Variants in B4GALNT3 observed in about 807,000 individuals in gnomAD.
B4GALNT3 encodes beta-1,4-N-acetylgalactosaminyltransferase 3.
In B4GALNT3, 86 loss-of-function variants were observed where a neutral mutation model predicts 120.2. The observed-to-expected ratio is 0.72, with a 90% CI of 0.60 to 0.86. The LOEUF (loss-of-function observed/expected upper bound fraction) is 0.86, where lower values mean the gene tolerates loss of function less well. Ranked by LOEUF, B4GALNT3 falls within the 40% of genes least tolerant of loss-of-function variation. B4GALNT3 has a pLI of 0.00. For synonymous variants in B4GALNT3, 518 were observed against 510.4 expected, an observed-to-expected ratio of 1.01 and a Z score of -0.20; for missense variants, 1,167 against 1,298.9, an observed-to-expected ratio of 0.90 and a Z score of 1.56.
intron 1 of B4GALNT3, among the ~76,000 whole-genome samples, chr12:514,518 T>C (rs1946633205): frequency 6.6e-6 from 1 of 152,062 alleles, no homozygotes; most frequent in Admixed American, 6.5e-5. Flanking sequence ...AATAAAAGAC[T>C]AATAAATTCT....
At chr12:521,234 A>T (rs1313272776) in intron 1 of B4GALNT3, among the ~76,000 whole-genome samples, 1 of 151,880 alleles carries the variant, frequency 6.6e-6, no homozygotes, top group East Asian at 1.9e-4. Flanking sequence ...GATGTAGCCC[A>T]CCCTCCACCA....
At chr12:473,748 T>C (rs958502165) in intron 1 of B4GALNT3, among the ~76,000 whole-genome samples, 13 of 152,058 alleles carry the variant, frequency 8.5e-5, no homozygotes, top group Non-Finnish European at 1.8e-4. Context: ...ATGCTCTGGG[T>C]GTTAGGGAGA....
chr12:462,899 G>A (rs549149555), intron 1 of B4GALNT3, among the ~76,000 whole-genome samples: 48 of 152,272 alleles, frequency 3.2e-4, no homozygotes, highest in African/African-American at 1.1e-3. Flanking sequence ...CTATTCCTCT[G>A]GAGGGAGAGC....
intron 1 of B4GALNT3, among the ~76,000 whole-genome samples, chr12:474,127 C>A (rs189522643): frequency 6.6e-6 from 1 of 152,194 alleles, no homozygotes; most frequent in Non-Finnish European, 1.5e-5. Context: ...CTGAAAACAA[C>A]GTCCTCCTTC....
intron 19 of B4GALNT3, among the ~76,000 whole-genome samples, chr12:560,798 A>G (rs189652274): frequency 2.6e-5 from 4 of 152,158 alleles, no homozygotes; most frequent in African/African-American, 9.6e-5. Flanking sequence ...CAGTTCGGCC[A>G]CTCTCAGCCC....
intron 19 of B4GALNT3, among the ~76,000 whole-genome samples, chr12:559,758 C>T (rs1031709401): frequency 6.6e-6 from 1 of 152,118 alleles, no homozygotes; most frequent in Non-Finnish European, 1.5e-5. Context: ...GCATCCTCCC[C>T]AGCCCGAGGG....
chr12:474,749 C>T (rs548233384), intron 1 of B4GALNT3, among the ~76,000 whole-genome samples: 57 of 152,116 alleles, frequency 3.7e-4, no homozygotes, highest in African/African-American at 1.3e-3. Flanking sequence ...CACTTGAGTC[C>T]AGGAGTTCAA....
At chr12:464,008 A>G (rs1946052028) in intron 1 of B4GALNT3, among the ~76,000 whole-genome samples, 1 of 152,210 alleles carries the variant, frequency 6.6e-6, no homozygotes, top group Non-Finnish European at 1.5e-5. Flanking sequence ...TTGGTGTGGC[A>G]TGGTGGTTCT....
In B4GALNT3 at chr12:524,483, C is replaced by T. The variant is rs114412329; in HGVS notation, c.170-10683C>T. ...TCAGGTGGGGAGAGGGCAGGGTGGC[C>T]GTGGCTCCTGGCTGCTGGTCCCAAA... On this transcript the variant is annotated intron_variant, in intron 1 of 19. Transcript: ENST00000266383. Among the ~76,000 whole-genome samples, 1,019 of 152,244 alleles carry T rather than the reference C, an allele frequency of 6.7e-3. 12 individuals carry two copies. The highest frequency in any genetic ancestry group is 0.023 in the African/African-American group (945 of 41,552).
In B4GALNT3 at chr12:460,601, C is replaced by A; in HGVS notation, c.169+56C>A. 1 of 1,303,318 alleles carries A rather than the reference C, an allele frequency of 7.7e-7. No individual in the cohort carries two copies. Among genetic ancestry groups the A allele is most frequent in the Admixed American group, 3.3e-5 (1 of 30,356 alleles). 80.7% of individuals were successfully genotyped at this position (1,303,318 alleles called of 1,614,324 possible). A position where few individuals can be genotyped will look rare whatever the true frequency, so the allele number is the denominator to read the frequency against. On this transcript the variant is annotated intron_variant, in intron 1 of 19. Coordinates refer to ENST00000266383, the MANE Select transcript of B4GALNT3 (RefSeq NM_173593.4). The surrounding 1 kb of genome is among the most constrained non-coding windows in gnomAD (Gnocchi z 8.0). ...CGGGGGTGGGCGGCGGCGGCGGCTC[C>A]TGCGTTGGGGGGACCCGCCTCTCAT... is the stretch of plus-strand genomic sequence containing the variant.
At chr12:511,576 TCTTCCACCTTCCACCTTCCGC>T (rs537389009) in intron 1 of B4GALNT3, among the ~76,000 whole-genome samples, 1 of 45,936 alleles carries the variant, frequency 2.2e-5, no homozygotes, top group South Asian at 9.3e-4. Flanking sequence ...CCTTCGACCT[TCTTCCACCTTCCACCTTCCGC>T]CTTCCACCTT....
chr12:523,801 G>A (rs1044834063), intron 1 of B4GALNT3, among the ~76,000 whole-genome samples: 20 of 152,226 alleles, frequency 1.3e-4, no homozygotes, highest in African/African-American at 4.6e-4. Context: ...AGTGGCTCAT[G>A]CCTGTAATCC....
At position 531,301 on chromosome 12, in the gene B4GALNT3, G is replaced by A. The variant is rs567129386; in HGVS notation, c.170-3865G>A. The stretch of plus-strand genomic sequence containing the variant: ...AAACAAAGAGGGGGTGTTACCTATT[G>A]CCATACTGCCACTGCTGGCCCACTG... On this transcript the variant is annotated intron_variant, in intron 1 of 19. Coordinates refer to ENST00000266383, the MANE Select transcript of B4GALNT3 (RefSeq NM_173593.4). Among the ~76,000 whole-genome samples the A allele has an allele frequency of 1.3e-4, 19 of 151,962 alleles. No individual in the cohort carries two copies. In the East Asian group the frequency reaches 3.7e-3, roughly 29 times the overall value.
At chr12:557,368 T>A (rs1447472938) in intron 15 of B4GALNT3, among the ~76,000 whole-genome samples, 1 of 151,866 alleles carries the variant, frequency 6.6e-6, no homozygotes, top group Non-Finnish European at 1.5e-5. Context: ...TTCTCGTGGG[T>A]CCCCTGCCTG....
rs1461665003 is a variant in B4GALNT3, at chr12:548,417, G to A, written c.853+120G>A. 7.1e-6 allele frequency: 6 copies of A among 845,780 alleles called. No individual in the cohort carries two copies. The highest frequency in any genetic ancestry group is 1.2e-5 in the Non-Finnish European group (6 of 519,078). The allele number at this position is 845,780 out of a possible 1,614,324, so 52.4% of individuals were successfully genotyped here. ...AGGAAGCTCGAGATGCTTGGGACAC[G>A]GGTATGAAGGGGTCCAGAACAAGAG... On this transcript the variant is annotated intron_variant, in intron 9 of 19. Coordinates refer to ENST00000266383, the MANE Select transcript of B4GALNT3 (RefSeq NM_173593.4). This position sits in a 1 kb window ranked among gnomAD's most constrained non-coding sequence, Gnocchi z 4.9.
intron 3 of B4GALNT3, among the ~76,000 whole-genome samples, chr12:538,111 T>A (rs4980936): frequency 2.0e-5 from 3 of 152,234 alleles, no homozygotes; most frequent in Non-Finnish European, 4.4e-5. Context: ...ATAGCATGGA[T>A]CCTTTTTCTT....
intron 1 of B4GALNT3, among the ~76,000 whole-genome samples, chr12:533,189 T>C (rs1178959651): frequency 6.6e-6 from 1 of 152,270 alleles, no homozygotes; most frequent in African/African-American, 2.4e-5. Context: ...GCTCTTGCTT[T>C]AGATCATGTG....
Position 550,032 on chromosome 12 carries a change from A to T in B4GALNT3, c.997+120A>T. The T allele has an allele frequency of 8.7e-7, 1 of 1,153,552 alleles. No individual in the cohort carries two copies. The highest frequency in any genetic ancestry group is 1.2e-6 in the Non-Finnish European group (1 of 821,664). The allele number at this position is 1,153,552 out of a possible 1,614,324, so 71.5% of individuals were successfully genotyped here. ...TATCCCAATCACCGTAGAACTTTTT[A>T]TCGTCCTTGTAACATAGAACATGCA... On this transcript the variant is annotated intron_variant, in intron 10 of 19. Coordinates refer to ENST00000266383, the MANE Select transcript of B4GALNT3 (RefSeq NM_173593.4). The surrounding 1 kb of genome is among the most constrained non-coding windows in gnomAD (Gnocchi z 4.1).
At chr12:519,657 A>G (rs74341002) in intron 1 of B4GALNT3, among the ~76,000 whole-genome samples, 1,797 of 128,302 alleles carry the variant, frequency 0.014, 30 homozygotes, top group African/African-American at 0.05. Flanking sequence ...AGCAGTTTTT[A>G]TCAGCTCATC....
Sources: gnomAD v4.1 joint callset for allele counts (sites outside exome capture counted in the v4.1 genomes callset) on GRCh38, gnomAD v4.1.1 for gene constraint, Gnocchi (gnomAD v3.1) non-coding constraint, MANE v1.5 for transcripts, NCBI Gene and HGNC (gene_info 2026-07-23, HGNC 2026-07-21) for gene names.